SPATS2L: variants seen among roughly 807,000 people sequenced by gnomAD.
SPATS2L encodes the protein SPATS2-like protein.
SPATS2L carries 30 observed loss-of-function variants against 59.6 expected under a neutral mutation model. That is an observed-to-expected ratio of 0.50 (90% CI 0.38 to 0.68). SPATS2L has a LOEUF of 0.68. Among genes scored for constraint, SPATS2L ranks in the 30% least tolerant of loss-of-function variants. The pLI is 0.00. For missense variants in SPATS2L, 615 were observed against 700.0 expected (o/e 0.88, Z 1.37); for synonymous variants, 252 against 263.5 (o/e 0.96, Z 0.42).
intron 3 of SPATS2L, among the ~76,000 whole-genome samples, chr2:200,408,132 G>C (rs1481636221): frequency 6.6e-6 from 1 of 152,152 alleles, no homozygotes; most frequent in Non-Finnish European, 1.5e-5. Flanking sequence ...CTGGCAGGGG[G>C]TATGGAGAAG....
intron 2 of SPATS2L, among the ~76,000 whole-genome samples, chr2:200,379,209 T>C (rs1175899074): frequency 1.3e-5 from 2 of 152,356 alleles, no homozygotes; most frequent in African/African-American, 2.4e-5. Flanking sequence ...CCAGGAGATA[T>C]AAGTTCGAAT....
intron 2 of SPATS2L, among the ~76,000 whole-genome samples, chr2:200,358,595 C>T (rs199840749): frequency 6.8e-6 from 1 of 148,018 alleles, no homozygotes; most frequent in Non-Finnish European, 1.5e-5. Flanking sequence ...GTGATATTTC[C>T]TTTTTTTTTT....
At chr2:200,389,063 C>G (rs2082089195) in intron 2 of SPATS2L, among the ~76,000 whole-genome samples, 160 bp from the exon 3 acceptor site, 1 of 152,174 alleles carries the variant, frequency 6.6e-6, no homozygotes, top group South Asian at 2.1e-4. Flanking sequence ...GCTTTTAGAA[C>G]ATGTCTAAGT....
At chr2:200,343,242 G>A (rs185332830) in intron 2 of SPATS2L, among the ~76,000 whole-genome samples, 2 of 152,320 alleles carry the variant, frequency 1.3e-5, no homozygotes, top group Admixed American at 6.5e-5. Context: ...CTTAACACAG[G>A]GGAGGGAGAA....
At chr2:200,476,731 G>A (rs181991792) in intron 12 of SPATS2L, among the ~76,000 whole-genome samples, 1 of 152,334 alleles carries the variant, frequency 6.6e-6, no homozygotes, top group East Asian at 1.9e-4. Flanking sequence ...GTCCAAGGAC[G>A]GCTTAAGTAT....
At chr2:200,459,049 T>C (rs529365829) in intron 8 of SPATS2L, among the ~76,000 whole-genome samples, 3 of 152,298 alleles carry the variant, frequency 2.0e-5, no homozygotes, top group Non-Finnish European at 2.9e-5. Flanking sequence ...AAGGAATTTG[T>C]CATGATGCAT....
At position 200,307,870 on chromosome 2, in the gene SPATS2L, ATTCT is replaced by A. The variant is rs2079079676; in HGVS notation, c.-73+953_-73+956del. ...GGAGACCTGACACTTTTCGTGAAAG[ATTCT>A]TTCTGTACGTTTTCTTTTGGCTATA... On this transcript the variant is annotated intron_variant, in intron 1 of 12. Transcript: ENST00000409140. 2.6e-5 allele frequency among the ~76,000 whole-genome samples: 4 copies of A among 152,334 alleles called. No homozygotes were observed. The South Asian group carries it at 8.3e-4, about 32-fold the overall frequency.
intron 8 of SPATS2L, among the ~76,000 whole-genome samples, chr2:200,442,972 A>G (rs1156784945): frequency 6.6e-6 from 1 of 152,204 alleles, no homozygotes; most frequent in African/African-American, 2.4e-5. Flanking sequence ...CTGCAAACCA[A>G]AGAAGACATT....
intron 2 of SPATS2L, among the ~76,000 whole-genome samples, chr2:200,357,469 G>T (rs2105860165): frequency 6.6e-6 from 1 of 152,286 alleles, no homozygotes; most frequent in East Asian, 1.9e-4. Context: ...CAGGTAGGTG[G>T]TTACAAAGAC....
intron 2 of SPATS2L, among the ~76,000 whole-genome samples, chr2:200,357,536 A>C (rs1339046796): frequency 6.6e-6 from 1 of 152,220 alleles, no homozygotes; most frequent in Non-Finnish European, 1.5e-5. Context: ...TATACAACTT[A>C]TCTGATTTTT....
intron 4 of SPATS2L, among the ~76,000 whole-genome samples, chr2:200,413,644 A>T (rs1330096159): frequency 6.6e-6 from 1 of 152,196 alleles, no homozygotes; most frequent in African/African-American, 2.4e-5. Context: ...CAGTTTGTCA[A>T]GGACAGTTTG....
intron 8 of SPATS2L, among the ~76,000 whole-genome samples, chr2:200,449,603 T>C (rs10197006): frequency 0.43 from 66,024 of 152,060 alleles, 14,730 homozygotes; most frequent in East Asian, 0.52. Flanking sequence ...CATCATAAAA[T>C]AGAAAAATAA....
intron 6 of SPATS2L, among the ~76,000 whole-genome samples, chr2:200,433,753 C>T (rs1280601633): frequency 2.6e-5 from 4 of 152,056 alleles, no homozygotes; most frequent in Admixed American, 1.3e-4. Context: ...AAAAACACAA[C>T]TTACCAAAAC....
Position 200,321,184 on chromosome 2 carries a change from G to A in SPATS2L, c.-72-8247G>A, listed in dbSNP as rs561419643. ...TGTGTGTGCATGTGTATATTTGTGT[G>A]TTTTAAACTAGCTCTTGGTGGACCC... On this transcript the variant is annotated intron_variant, in intron 1 of 12. Coordinates refer to ENST00000409140, the MANE Select transcript of SPATS2L (RefSeq NM_001100423.2). 2.0e-5 allele frequency among the ~76,000 whole-genome samples: 3 copies of A among 152,262 alleles called. No individual in the cohort carries two copies. The South Asian group carries it at 6.2e-4, about 32-fold the overall frequency.
At position 200,477,515 on chromosome 2, in the gene SPATS2L, T is replaced by TAAAAAAAAA. The variant is rs59073895; in HGVS notation, c.1282-106_1282-98dup. 2.4e-3 allele frequency: 737 copies of TAAAAAAAAA among 302,554 alleles called. 44 individuals are homozygous for TAAAAAAAAA. In the African/African-American group the frequency reaches 0.029, roughly 12 times the overall value. The allele number at this position is 302,554 out of a possible 1,614,324, so 18.7% of individuals were successfully genotyped here. A position where few individuals can be genotyped will look rare whatever the true frequency, so the allele number is the denominator to read the frequency against. Reference sequence around the variant, plus strand: ...CATGTTTTCTGATTCTTCTGGTGTATAAAAAAAAAAAAAAAAAAAAAAAGC... The same window carrying TAAAAAAAAA: ...CATGTTTTCTGATTCTTCTGGTGTATAAAAAAAAAAAAAAAAAAAAAAAAAAAAAAAAGC... On this transcript the variant is annotated intron_variant, in intron 12 of 12. Transcript: ENST00000409140.
At chr2:200,360,512 A>G (rs1391429769) in intron 2 of SPATS2L, among the ~76,000 whole-genome samples, 4 of 152,228 alleles carry the variant, frequency 2.6e-5, no homozygotes, top group Admixed American at 6.5e-5. Context: ...GGCCAAGAGC[A>G]GGTGGAAAGT....
At chr2:200,313,132 G>A (rs1312291274) in intron 1 of SPATS2L, among the ~76,000 whole-genome samples, 3 of 152,164 alleles carry the variant, frequency 2.0e-5, no homozygotes, top group Non-Finnish European at 1.5e-5. Context: ...GGTAACACAT[G>A]GTGACACTGA....
Position 200,397,202 on chromosome 2 carries a change from A to G in SPATS2L, c.39+7919A>G, listed in dbSNP as rs531364711. On this transcript the variant is annotated intron_variant, in intron 3 of 12. Transcript: ENST00000409140. ...TGGTAGCCCCTGTGCACTGCAGCTG[A>G]GAGGTATATATAAGATAGATGGTTA... 2.6e-5 allele frequency among the ~76,000 whole-genome samples: 4 copies of G among 152,256 alleles called. No homozygotes were observed. The South Asian group carries it at 8.3e-4, about 32-fold the overall frequency.
At chr2:200,476,789 A>G (rs1320273143) in intron 12 of SPATS2L, among the ~76,000 whole-genome samples, 3 of 152,262 alleles carry the variant, frequency 2.0e-5, no homozygotes, top group Middle Eastern at 6.3e-3. Context: ...CAGAGGGTCA[A>G]TGTGACACTT....
Sources: gnomAD v4.1 joint callset for allele counts (sites outside exome capture counted in the v4.1 genomes callset) on GRCh38, gnomAD v4.1.1 for gene constraint, MANE v1.5 for transcripts, NCBI Gene and HGNC (gene_info 2026-07-23, HGNC 2026-07-21) for gene names.